Variants in CENPQ observed in about 807,000 individuals in gnomAD.
CENPQ encodes the protein centromere protein Q.
CENPQ carries 27 observed loss-of-function variants against 36.6 expected under a neutral mutation model. The ratio of observed to expected loss-of-function variants is 0.74; its 90% confidence interval spans 0.54 to 1.02. The LOEUF is 1.02. CENPQ is among the 50% of genes least tolerant of loss of function. The pLI is 0.00. For missense variants in CENPQ, 306 were observed against 301.8 expected (o/e 1.01, Z -0.10); for synonymous variants, 101 against 101.7 (o/e 0.99, Z 0.04).
In CENPQ at chr6:49,468,258, C is replaced by A. The variant is rs190458923; in HGVS notation, c.-18-1901C>A. 1.3e-4 allele frequency among the ~76,000 whole-genome samples: 20 copies of A among 151,926 alleles called. No individual in the cohort carries two copies. The East Asian group carries it at 3.3e-3, about 25-fold the overall frequency. On this transcript the variant is annotated intron_variant, in intron 1 of 8. Transcript: ENST00000335783. ...AGACTTTCCTGGGGTTTCAGTTCCT[C>A]TCGGTGTTGGCCTTCCTCCTATGGT... is the stretch of plus-strand genomic sequence containing the variant.
At chr6:49,488,871 CTT>C (rs371676617) in intron 8 of CENPQ, among the ~76,000 whole-genome samples, 187 bp downstream of exon 8, 6 of 141,802 alleles carry the variant, frequency 4.2e-5, no homozygotes, top group Admixed American at 7.2e-5. Context: ...AGCATTATTT[CTT>C]TTTTTTTTTT....
intron 8 of CENPQ, 73 bp from the exon 9 acceptor site, chr6:49,492,071 T>C (rs1481699609): frequency 8.4e-7 from 1 of 1,184,636 alleles, no homozygotes; most frequent in African/African-American, 1.6e-5. Context: ...ATTTTACTGT[T>C]CTCTCTAACA....
At position 49,492,511 on chromosome 6, in the gene CENPQ, G is replaced by A. The variant is rs1490219889; in HGVS notation, c.*236G>A. 2.8e-6 allele frequency: 1 copy of A among 361,338 alleles called. No homozygotes were observed. The highest frequency in any genetic ancestry group is 2.1e-5 in the African/African-American group (1 of 46,744). 22.4% of individuals were successfully genotyped at this position (361,338 alleles called of 1,614,324 possible). A position where few individuals can be genotyped will look rare whatever the true frequency, so the allele number is the denominator to read the frequency against. On this transcript the variant is annotated 3_prime_UTR_variant, in exon 9 of 9. Transcript: ENST00000335783. ...AACATTTATATTGCTGTATCTATAA[G>A]TATTTGCCTAAAACCATAAAATAGG...
intron 8 of CENPQ, among the ~76,000 whole-genome samples, chr6:49,490,821 G>A (rs1481596659): frequency 6.6e-6 from 1 of 152,194 alleles, no homozygotes; most frequent in Non-Finnish European, 1.5e-5. Flanking sequence ...TGGCCGGTTG[G>A]TGGAGCCGTC....
intron 5 of CENPQ, among the ~76,000 whole-genome samples, chr6:49,479,144 A>T (rs992267993): frequency 3.3e-5 from 5 of 152,208 alleles, no homozygotes; most frequent in Admixed American, 2.6e-4. Context: ...AGTTTGTCTT[A>T]ACAGTTTAAT....
rs1768153437 is a variant in CENPQ, at chr6:49,472,164, A to G, written c.259A>G (p.Met87Val). 6.2e-7 allele frequency: 1 copy of G among 1,611,298 alleles called. No individual in the cohort carries two copies. Among genetic ancestry groups the G allele is most frequent in the Non-Finnish European group, 8.5e-7 (1 of 1,178,886 alleles). ...GAGTACCAGAGACCATTTGCAAACT[A>G]TGATGGAATCAGTAATAATGTGAGT... ...SKSTRDHLQT[M>V]MESVIMTILS... The change falls in exon 4 of 9, where the codon ATG becomes GTG. Residue 87 changes from methionine to valine, a missense_variant. Met to Val is a conservative substitution (Grantham distance 21). Transcript: ENST00000335783.
Position 49,471,029 on chromosome 6 carries a change from G to A in CENPQ, c.157+1G>A. The A allele has an allele frequency of 1.3e-6, 2 of 1,502,592 alleles. No homozygotes were observed. Among genetic ancestry groups the A allele is most frequent in the South Asian group, 1.4e-5 (1 of 73,956 alleles). The allele number at this position is 1,502,592 out of a possible 1,614,324, so 93.1% of individuals were successfully genotyped here. ...CATCTGAAAGATCTGTCTTCTGAAGGTATTTCTTTTCTATTACCTTGTTTA... is the reference window on the plus strand; with the variant it reads ...CATCTGAAAGATCTGTCTTCTGAAGATATTTCTTTTCTATTACCTTGTTTA... On this transcript the variant is annotated splice_donor_variant, in intron 3 of 8. Coordinates refer to ENST00000335783, the MANE Select transcript of CENPQ (RefSeq NM_018132.4). LOFTEE classifies it high-confidence loss of function.
chr6:49,476,634 GCATC>G (rs1414104760), intron 5 of CENPQ, among the ~76,000 whole-genome samples: 1 of 152,130 alleles, frequency 6.6e-6, no homozygotes, highest in East Asian at 1.9e-4. Flanking sequence ...GAGTGAACAG[GCATC>G]CTACAGAATG....
chr6:49,487,454 T>TAAAAAAAAAAAAAGAA (rs1768617352), intron 6 of CENPQ, among the ~76,000 whole-genome samples: 1 of 93,274 alleles, frequency 1.1e-5, no homozygotes, highest in Non-Finnish European at 2.1e-5. Flanking sequence ...TACCCTTTCT[T>TAAAAAAAAAAAAAGAA]AAAAAAAAAA....
In CENPQ at chr6:49,468,626, A is replaced by G. The variant is rs186511827; in HGVS notation, c.-18-1533A>G. Among the ~76,000 whole-genome samples, 12 of 152,280 alleles carry G rather than the reference A, an allele frequency of 7.9e-5. No homozygotes were observed. In the East Asian group the frequency reaches 2.3e-3, roughly 29 times the overall value. ...AAGCAAGTGTTTCTAAGCAAGAAGA[A>G]GTCAAAGTTGCCAGTCTCTTCATGT... On this transcript the variant is annotated intron_variant, in intron 1 of 8. Coordinates refer to ENST00000335783, the MANE Select transcript of CENPQ (RefSeq NM_018132.4).
chr6:49,485,774 T>C (rs1157261365), intron 6 of CENPQ, among the ~76,000 whole-genome samples: 1 of 150,602 alleles, frequency 6.6e-6, no homozygotes, highest in Non-Finnish European at 1.5e-5. Flanking sequence ...ATTTTCAGAA[T>C]CATAAAAACA....
intron 5 of CENPQ, among the ~76,000 whole-genome samples, chr6:49,474,457 C>A (rs1194845253): frequency 6.6e-6 from 1 of 152,122 alleles, no homozygotes; most frequent in African/African-American, 2.4e-5. Context: ...TAAAGATGTT[C>A]TTTGAAACCA....
intron 5 of CENPQ, among the ~76,000 whole-genome samples, chr6:49,474,106 C>G (rs1213166494): frequency 2.6e-5 from 4 of 152,062 alleles, no homozygotes; most frequent in Non-Finnish European, 4.4e-5. Context: ...CTAGACAGAC[C>G]AATGAGACAG....
intron 8 of CENPQ, 96 bp downstream of exon 8, chr6:49,488,780 G>A (rs1239652078): frequency 2.1e-5 from 19 of 918,764 alleles, no homozygotes; most frequent in Non-Finnish European, 2.5e-5. Flanking sequence ...CTGCAATAAC[G>A]CAAGTCACAC....
intron 5 of CENPQ, among the ~76,000 whole-genome samples, chr6:49,476,727 G>GA (rs1213719060): frequency 6.6e-5 from 10 of 151,844 alleles, no homozygotes; most frequent in African/African-American, 9.7e-5. Flanking sequence ...AAATTTACAA[G>GA]AAAAAAACAA....
intron 5 of CENPQ, among the ~76,000 whole-genome samples, chr6:49,477,328 C>T (rs1768319155): frequency 6.6e-6 from 1 of 150,492 alleles, no homozygotes; most frequent in Non-Finnish European, 1.5e-5. Context: ...GGATGAAAAA[C>T]CAAACACCGC....
At chr6:49,486,730 C>T (rs1339466978) in intron 6 of CENPQ, among the ~76,000 whole-genome samples, 1 of 151,934 alleles carries the variant, frequency 6.6e-6, no homozygotes, top group Non-Finnish European at 1.5e-5. Flanking sequence ...ATATTGTACT[C>T]TTATGTATCT....
intron 5 of CENPQ, among the ~76,000 whole-genome samples, chr6:49,474,598 G>T (rs1186492359): frequency 2.6e-5 from 4 of 152,124 alleles, no homozygotes; most frequent in Non-Finnish European, 5.9e-5. Flanking sequence ...ACAATTAAAA[G>T]AACTAGAGAA....
chr6:49,490,397 CAGTT>C (rs753388126), intron 8 of CENPQ, among the ~76,000 whole-genome samples: 8 of 152,204 alleles, frequency 5.3e-5, no homozygotes, highest in Non-Finnish European at 1.2e-4. Context: ...GACTTGAAAA[CAGTT>C]AGGGCCTTGC....
Sources: gnomAD v4.1 joint callset for allele counts (sites outside exome capture counted in the v4.1 genomes callset) on GRCh38, gnomAD v4.1.1 for gene constraint, MANE v1.5 for transcripts, NCBI Gene and HGNC (gene_info 2026-07-23, HGNC 2026-07-21) for gene names.